SLC25A30: variants seen among roughly 807,000 people sequenced by gnomAD.
SLC25A30 encodes the protein solute carrier family 25 member 30.
Under a neutral mutation model 42.7 loss-of-function variants are expected in SLC25A30, and 29 were observed. The ratio of observed to expected loss-of-function variants is 0.68; its 90% CI spans 0.51 to 0.93. SLC25A30 has a LOEUF of 0.93. Among genes scored for constraint, SLC25A30 ranks in the 40% least tolerant of loss-of-function variants. The probability of loss-of-function intolerance (pLI) is 0.00; values close to 1 mark genes in which losing one functional copy is unlikely to be tolerated. For synonymous variants in SLC25A30, 124 were observed against 131.0 expected (o/e 0.95, Z 0.37); for missense variants, 300 against 359.7 (o/e 0.83, Z 1.34).
At chr13:45,424,606 T>TATATAGAAATATATAG in the SLC25A30 span, among the ~76,000 whole-genome samples, 2 of 55,100 alleles carry the variant, frequency 3.6e-5, no homozygotes, top group South Asian at 1.1e-3. Flanking sequence ...TAAATATATA[T>TATATAGAAATATATAG]AAATATATAT....
intron 8 of SLC25A30, chr13:45,397,864 C>G: frequency 1.0e-6 from 1 of 984,974 alleles, no homozygotes; most frequent in Non-Finnish European, 1.2e-6. Flanking sequence ...GAACTCCACA[C>G]AAAGGAGATA....
the SLC25A30 span, among the ~76,000 whole-genome samples, chr13:45,423,604 T>G: frequency 1.3e-5 from 1 of 78,428 alleles, no homozygotes; most frequent in Non-Finnish European, 2.2e-5. Context: ...TATATATATA[T>G]AAATATATAT....
At chr13:45,419,099 C>G (rs1301445412), upstream of SLC25A30, among the ~76,000 whole-genome samples, 1 of 139,186 alleles carries the variant, frequency 7.2e-6, no homozygotes, top group Non-Finnish European at 1.5e-5. Flanking sequence ...CCACTGCACT[C>G]CAGCCTGGGC....
intron 8 of SLC25A30, chr13:45,397,910 C>G (rs1036722591): frequency 9.1e-6 from 9 of 985,424 alleles, no homozygotes; most frequent in Non-Finnish European, 1.1e-5. Context: ...AGATTTAATT[C>G]CAATTACGGT....
At chr13:45,407,111 A>T (rs763800667) in intron 3 of SLC25A30, among the ~76,000 whole-genome samples, 34 of 152,260 alleles carry the variant, frequency 2.2e-4, no homozygotes, top group South Asian at 2.1e-3. Flanking sequence ...AAAATATAAA[A>T]GTAGCGCCAG....
At chr13:45,432,232 T>C in the SLC25A30 span, among the ~76,000 whole-genome samples, 3 of 149,930 alleles carry the variant, frequency 2.0e-5, no homozygotes, top group African/African-American at 7.4e-5. Flanking sequence ...ATCATATCAC[T>C]GCACTGTGGC....
At chr13:45,421,870 C>T (rs1883899409), upstream of SLC25A30, among the ~76,000 whole-genome samples, 1 of 152,196 alleles carries the variant, frequency 6.6e-6, no homozygotes, top group Non-Finnish European at 1.5e-5. Flanking sequence ...ATCCAGTTCC[C>T]TATCCTCCTC....
chr13:45,413,783 C>G (rs1468986662), intron 1 of SLC25A30, among the ~76,000 whole-genome samples: 3 of 152,190 alleles, frequency 2.0e-5, no homozygotes, highest in African/African-American at 7.2e-5. Flanking sequence ...GAACTCCTGA[C>G]CTCAGGTAAT....
chr13:45,418,969 A>C (rs1205057481), upstream of SLC25A30, among the ~76,000 whole-genome samples: 5 of 115,044 alleles, frequency 4.3e-5, 1 homozygote, highest in Non-Finnish European at 9.0e-5. Context: ...AAAAAAAAAA[A>C]AAAAAAAAAA....
chr13:45,423,886 T>TAAAAA, the SLC25A30 span, among the ~76,000 whole-genome samples: 4 of 77,722 alleles, frequency 5.1e-5, no homozygotes, highest in Non-Finnish European at 9.0e-5. Flanking sequence ...TATAAAAATA[T>TAAAAA]ATATATAAAT....
chr13:45,424,288 T>G, the SLC25A30 span, among the ~76,000 whole-genome samples: 1 of 9,396 alleles, frequency 1.1e-4, no homozygotes, highest in African/African-American at 2.8e-4. Context: ...AATATATATA[T>G]AAATATATAA....
chr13:45,407,953 A>T (rs1279779477), intron 3 of SLC25A30, among the ~76,000 whole-genome samples: 1 of 152,204 alleles, frequency 6.6e-6, no homozygotes. Context: ...ATCCTCATCT[A>T]GTCTTCCTAC....
chr13:45,413,780 T>C (rs1399675964), intron 1 of SLC25A30, among the ~76,000 whole-genome samples: 8 of 152,350 alleles, frequency 5.3e-5, no homozygotes, highest in African/African-American at 1.9e-4. Context: ...CTTGAACTCC[T>C]GACCTCAGGT....
In SLC25A30 at chr13:45,408,918, C is replaced by T; in HGVS notation, c.212+9G>A. On this transcript the variant is annotated intron_variant, in intron 3 of 9. Coordinates refer to ENST00000519676, the MANE Select transcript of SLC25A30 (RefSeq NM_001010875.4). ...ACAGTGACACAGAAATGCATGAAGG[C>T]CTACTCACCCCGAGTAGAGTGCTTT... The T allele has an allele frequency of 6.3e-7, 1 of 1,599,058 alleles. No homozygotes were observed. The highest frequency in any genetic ancestry group is 8.5e-7 in the Non-Finnish European group (1 of 1,172,576).
chr13:45,413,750 G>A (rs1041176486), intron 1 of SLC25A30, among the ~76,000 whole-genome samples: 3 of 152,090 alleles, frequency 2.0e-5, no homozygotes, highest in South Asian at 4.1e-4. Flanking sequence ...ACAGGATTTC[G>A]CCATGTTGGC....
chr13:45,401,251 T>C, intron 6 of SLC25A30, 44 bp from the exon 7 acceptor site: 1 of 1,601,232 alleles, frequency 6.2e-7, no homozygotes, highest in Non-Finnish European at 8.5e-7. Flanking sequence ...GATATGCCTC[T>C]GTAGAACAAG....
At position 45,395,636 on chromosome 13, in the gene SLC25A30, A is replaced by G. The variant is rs558340792; in HGVS notation, c.*338T>C. ...GATTCTCAGTCATGAGCTGAGATGC[A>G]TCAGGAGCTACTCTCCCTGAATAAA... is the stretch of plus-strand genomic sequence containing the variant. On this transcript the variant is annotated 3_prime_UTR_variant, in exon 10 of 10. Transcript: ENST00000519676. The G allele has an allele frequency of 3.4e-4, 401 of 1,184,496 alleles. No individual in the cohort carries two copies. The highest frequency in any genetic ancestry group is 2.3e-3 in the Middle Eastern group (6 of 2,660). The allele number at this position is 1,184,496 out of a possible 1,614,324, so 73.4% of individuals were successfully genotyped here.
Position 45,393,466 on chromosome 13 carries a change from G to GAAT in SLC25A30, c.*2505_*2507dup. 1.0e-6 allele frequency: 1 copy of GAAT among 983,626 alleles called. No individual in the cohort carries two copies. Among genetic ancestry groups the GAAT allele is most frequent in the Non-Finnish European group, 1.2e-6 (1 of 828,406 alleles). 60.9% of individuals were successfully genotyped at this position (983,626 alleles called of 1,614,324 possible). On this transcript the variant is annotated 3_prime_UTR_variant, in exon 10 of 10. Coordinates refer to ENST00000519676, the MANE Select transcript of SLC25A30 (RefSeq NM_001010875.4). The stretch of plus-strand genomic sequence containing the variant: ...ATAATGCATACTATTTCTAGCACAT[G>GAAT]AATAAATATAAAGGACAGGAGCCAC...
chr13:45,423,642 A>AAATATATATAAAATATATATAAAAAT, the SLC25A30 span, among the ~76,000 whole-genome samples: 4 of 41,816 alleles, frequency 9.6e-5, no homozygotes, highest in Admixed American at 3.7e-4. Flanking sequence ...ATATATATAA[A>AAATATATATAAAATATATATAAAAAT]ATACATATTT....
Sources: gnomAD v4.1 joint callset for allele counts (sites outside exome capture counted in the v4.1 genomes callset) on GRCh38, gnomAD v4.1.1 for gene constraint, MANE v1.5 for transcripts, NCBI Gene and HGNC (gene_info 2026-07-23, HGNC 2026-07-21) for gene names.